TSHZ2: variants seen among roughly 807,000 people sequenced by gnomAD.
TSHZ2 encodes the protein teashirt homolog 2.
TSHZ2 carries 21 observed loss-of-function variants against 74.4 expected under a neutral mutation model. The observed-to-expected ratio is 0.28, with a 90% confidence interval of 0.20 to 0.41. The LOEUF (loss-of-function observed/expected upper bound fraction) is 0.41, where lower values mean the gene tolerates loss of function less well. TSHZ2 is among the 10% of genes least tolerant of loss of function. The pLI, the probability that TSHZ2 is intolerant of heterozygous loss-of-function variation, is 1.00. For synonymous variants in TSHZ2, 540 were observed against 515.3 expected (o/e 1.05, Z -0.65); for missense variants, 1,244 against 1,293.5 (o/e 0.96, Z 0.59).
chr20:53,395,967 G>A (rs903978407), intron 2 of TSHZ2, among the ~76,000 whole-genome samples: 25 of 152,136 alleles, frequency 1.6e-4, no homozygotes, highest in African/African-American at 5.1e-4. Context: ...ATGGAGTCTC[G>A]CTCTGTTGCC....
chr20:53,121,496 G>A (rs1268379003), intron 1 of TSHZ2, among the ~76,000 whole-genome samples: 3 of 152,212 alleles, frequency 2.0e-5, no homozygotes, highest in South Asian at 2.1e-4. Context: ...AAAGACTGCA[G>A]GGAGCAGTGG....
intron 2 of TSHZ2, among the ~76,000 whole-genome samples, chr20:53,379,306 C>G (rs1292688715): frequency 6.6e-6 from 1 of 152,198 alleles, no homozygotes; most frequent in Admixed American, 6.5e-5. Flanking sequence ...CACCTGAGCC[C>G]GGGAGGTAAA....
chr20:53,436,542 A>ATTTTTTTTTTTTTT (rs1227006046), intron 2 of TSHZ2, among the ~76,000 whole-genome samples: 1 of 98,892 alleles, frequency 1.0e-5, no homozygotes. Context: ...TATTATTATT[A>ATTTTTTTTTTTTTT]TTATTATTTT....
Position 53,176,611 on chromosome 20 carries a change from A to G in TSHZ2, c.41-76888A>G, listed in dbSNP as rs76870535. 7.3e-3 allele frequency among the ~76,000 whole-genome samples: 1,113 copies of G among 152,268 alleles called. 14 individuals carry two copies. Among genetic ancestry groups the G allele is most frequent in the African/African-American group, 0.026 (1,075 of 41,552 alleles). ...TTTCACAGGGCTTAAGTCAAGAGTA[A>G]CAGGATATTAGTGATTTAATCAACA... On this transcript the variant is annotated intron_variant, in intron 1 of 2. Transcript: ENST00000371497.
intron 2 of TSHZ2, among the ~76,000 whole-genome samples, chr20:53,405,678 A>C (rs1600613661): frequency 6.6e-6 from 1 of 152,182 alleles, no homozygotes; most frequent in East Asian, 1.9e-4. Context: ...AGACAAGAGG[A>C]AAAGATAGCA....
intron 2 of TSHZ2, among the ~76,000 whole-genome samples, chr20:53,292,482 C>G (rs973881285): frequency 6.8e-6 from 1 of 146,536 alleles, no homozygotes; most frequent in Non-Finnish European, 1.5e-5. Flanking sequence ...GGGTCTTGCT[C>G]TGCTGCCCAG....
chr20:53,171,506 C>G (rs1296272475), intron 1 of TSHZ2, among the ~76,000 whole-genome samples: 2 of 151,590 alleles, frequency 1.3e-5, no homozygotes, highest in Admixed American at 6.6e-5. Context: ...TTATTATTTT[C>G]ATGTGTTGTG....
chr20:53,261,018 A>C (rs546184532), intron 2 of TSHZ2, among the ~76,000 whole-genome samples: 4 of 152,226 alleles, frequency 2.6e-5, no homozygotes, highest in Non-Finnish European at 4.4e-5. Context: ...AGGTAAACCA[A>C]AGCTCAAAGA....
chr20:53,200,727 A>T (rs1988984678), intron 1 of TSHZ2, among the ~76,000 whole-genome samples: 1 of 152,172 alleles, frequency 6.6e-6, no homozygotes, highest in Non-Finnish European at 1.5e-5. Context: ...GTTGGTACCG[A>T]CCATGGCCCA....
At chr20:53,249,770 T>A (rs1990284834) in intron 1 of TSHZ2, among the ~76,000 whole-genome samples, 1 of 152,194 alleles carries the variant, frequency 6.6e-6, no homozygotes, top group Admixed American at 6.5e-5. Context: ...CTAGGGCACA[T>A]CCTGCAGGCT....
At chr20:53,172,383 A>T (rs138333149) in intron 1 of TSHZ2, among the ~76,000 whole-genome samples, 8 of 151,824 alleles carry the variant, frequency 5.3e-5, no homozygotes, top group African/African-American at 1.9e-4. Flanking sequence ...CTATGTCTGA[A>T]CTCTAGCTAT....
chr20:53,354,165 T>C (rs563099512), intron 2 of TSHZ2, among the ~76,000 whole-genome samples: 1 of 152,302 alleles, frequency 6.6e-6, no homozygotes, highest in East Asian at 1.9e-4. Context: ...TTCAAGAACT[T>C]TGAAGTGTAA....
At chr20:53,050,103 G>GTATATATATATATATATACATATA in intron 1 of TSHZ2, among the ~76,000 whole-genome samples, 1 of 116,058 alleles carries the variant, frequency 8.6e-6, no homozygotes, top group East Asian at 2.3e-4. Context: ...GTATATGTGT[G>GTATATATATATATATATACATATA]TATATATATA....
chr20:53,193,167 CAAAAAAA>C (rs11481103), intron 1 of TSHZ2, among the ~76,000 whole-genome samples: 5 of 137,822 alleles, frequency 3.6e-5, no homozygotes, highest in South Asian at 2.3e-4. Flanking sequence ...AAAATACTTT[CAAAAAAA>C]AAAAAAGAAA....
At chr20:52,986,730 A>G (rs1210263086) in intron 1 of TSHZ2, among the ~76,000 whole-genome samples, 1 of 152,114 alleles carries the variant, frequency 6.6e-6, no homozygotes, top group Admixed American at 6.5e-5. Flanking sequence ...CTCCGTCTCA[A>G]AAAAAAAGAA....
chr20:53,138,210 G>C (rs575017916), intron 1 of TSHZ2, among the ~76,000 whole-genome samples: 6 of 151,914 alleles, frequency 3.9e-5, no homozygotes, highest in Non-Finnish European at 8.8e-5. Flanking sequence ...GTGAAACCCC[G>C]TCTCTACTAA....
Position 53,299,637 on chromosome 20 carries a change from T to G in TSHZ2, c.*8+43066T>G, listed in dbSNP as rs183159476. ...AATTAGTCAATATGGCTTCACCATA[T>G]GTACAGAGCTCCACAGATAAGCAAT... On this transcript the variant is annotated intron_variant, in intron 2 of 2. Coordinates refer to ENST00000371497, the MANE Select transcript of TSHZ2 (RefSeq NM_173485.6). Among the ~76,000 whole-genome samples the G allele has an allele frequency of 4.5e-4, 69 of 152,372 alleles. No homozygotes were observed. In the East Asian group the frequency reaches 0.01, roughly 23 times the overall value.
chr20:53,203,395 A>G (rs912329402), intron 1 of TSHZ2, among the ~76,000 whole-genome samples: 3 of 151,968 alleles, frequency 2.0e-5, no homozygotes, highest in African/African-American at 7.2e-5. Context: ...GGGTTTCACC[A>G]TATTGGCCAG....
chr20:53,101,351 G>A (rs986176753), intron 1 of TSHZ2, among the ~76,000 whole-genome samples: 1 of 152,084 alleles, frequency 6.6e-6, no homozygotes, highest in African/African-American at 2.4e-5. Flanking sequence ...AAAAAGGAGG[G>A]GGGAGTGATA....
Sources: gnomAD v4.1 joint callset for allele counts (sites outside exome capture counted in the v4.1 genomes callset) on GRCh38, gnomAD v4.1.1 for gene constraint, MANE v1.5 for transcripts, NCBI Gene and HGNC (gene_info 2026-07-23, HGNC 2026-07-21) for gene names.